Variants in USP2 observed in about 807,000 individuals in gnomAD.
The protein encoded by USP2 is ubiquitin specific peptidase 2, also known as ubiquitin carboxyl-terminal hydrolase 2.
A neutral mutation model predicts 72.0 loss-of-function variants in USP2; 33 were observed. That is an observed-to-expected ratio of 0.46 (90% CI 0.35 to 0.61). USP2 has a LOEUF of 0.61. USP2 is among the 20% of genes least tolerant of loss of function. The pLI is 0.01. For synonymous variants in USP2, 296 were observed against 312.5 expected, an observed-to-expected ratio of 0.95 and a Z score of 0.56; for missense variants, 691 against 797.8, an observed-to-expected ratio of 0.87 and a Z score of 1.61.
chr11:119,364,280 A>T (rs1294847079), intron 2 of USP2: 2 of 750,368 alleles, frequency 2.7e-6, no homozygotes, highest in Non-Finnish European at 3.3e-6. Flanking sequence ...GCCCCGCCCC[A>T]CCTCGCCTCT....
At chr11:119,363,016 A>G (rs998056841) in intron 2 of USP2, among the ~76,000 whole-genome samples, 6 of 152,184 alleles carry the variant, frequency 3.9e-5, no homozygotes, top group African/African-American at 1.4e-4. Flanking sequence ...CTTCGGTAGG[A>G]GAGGCCGAGG....
At chr11:119,381,420 C>T in intron 1 of USP2, 53 bp downstream of exon 1, 1 of 1,524,838 alleles carries the variant, frequency 6.6e-7, no homozygotes, top group Non-Finnish European at 8.8e-7. Context: ...GAGCTCCAAA[C>T]CGGCACTGAT....
intron 6 of USP2, 90 bp downstream of exon 6, chr11:119,358,933 AT>A: frequency 3.8e-6 from 6 of 1,590,690 alleles, no homozygotes; most frequent in Non-Finnish European, 5.2e-6. Flanking sequence ...AGTAAATCAG[AT>A]TATTCCCAAA....
rs1243294839 is a variant in USP2, at chr11:119,381,608, T to A, written c.-177A>T. On this transcript the variant is annotated 5_prime_UTR_variant, in exon 1 of 13. Coordinates refer to ENST00000260187, the MANE Select transcript of USP2 (RefSeq NM_004205.5). Reference sequence around the variant, plus strand: ...TCCCCGGCCTCGGCTCCTGCCTGACTCTCTCCCACCTCCGCCGGGGGCCCA... The same window carrying A: ...TCCCCGGCCTCGGCTCCTGCCTGACACTCTCCCACCTCCGCCGGGGGCCCA... 1 of 1,488,838 alleles carries A rather than the reference T, an allele frequency of 6.7e-7. No homozygotes were observed. The highest frequency in any genetic ancestry group is 9.0e-7 in the Non-Finnish European group (1 of 1,105,318). 92.2% of individuals were successfully genotyped at this position (1,488,838 alleles called of 1,614,324 possible).
chr11:119,378,349 C>T (rs1591337950), intron 1 of USP2, among the ~76,000 whole-genome samples: 2 of 152,042 alleles, frequency 1.3e-5, no homozygotes, highest in Admixed American at 1.3e-4. Flanking sequence ...CATATTTATG[C>T]TCAAACAGTC....
chr11:119,376,405 G>A (rs1951002244), intron 1 of USP2: 2 of 985,662 alleles, frequency 2.0e-6, no homozygotes, highest in Non-Finnish European at 2.4e-6. Context: ...TGGGAGGCAA[G>A]CCAATTGGCT....
At chr11:119,372,563 G>A (rs1033794978) in intron 2 of USP2, 144 bp downstream of exon 2, 2 of 885,686 alleles carry the variant, frequency 2.3e-6, no homozygotes, top group Admixed American at 3.4e-5. Context: ...GGCACCAGAT[G>A]TGCCAGGATG....
At chr11:119,380,075 C>T (rs1286650625) in intron 1 of USP2, among the ~76,000 whole-genome samples, 2 of 151,884 alleles carry the variant, frequency 1.3e-5, no homozygotes, top group Non-Finnish European at 1.5e-5. Context: ...CCAGCACGCC[C>T]GGCTAATTTT....
intron 1 of USP2, chr11:119,376,337 G>C (rs1951001201): frequency 5.1e-6 from 5 of 985,604 alleles, no homozygotes; most frequent in Non-Finnish European, 6.0e-6. Context: ...TCACGTGGCT[G>C]CGAGTCTCCC....
rs778775200 is a variant in USP2, at chr11:119,357,770, C to A, written c.1488G>T (p.Lys496Asn). 3.1e-6 allele frequency: 5 copies of A among 1,613,974 alleles called. No individual in the cohort carries two copies. Among genetic ancestry groups the A allele is most frequent in the Non-Finnish European group, 4.2e-6 (5 of 1,180,054 alleles). The part of the protein sequence containing the change: ...IKKFSIQRFP[K>N]ILVLHLKRFS... Reference sequence around the variant, plus strand: ...TCTTAAGGATACGGAGCACCAAGATCTTTGGGAACCTCTGGATGGAGAACT... The same window carrying A: ...TCTTAAGGATACGGAGCACCAAGATATTTGGGAACCTCTGGATGGAGAACT... Residue 496 changes from lysine to asparagine, a missense_variant, in exon 10 of 13, where the codon AAG becomes AAT. Physicochemically the swap from Lys to Asn is moderately conservative, Grantham distance 94 (BLOSUM62 0). Transcript: ENST00000260187.
At chr11:119,377,475 T>G (rs898767331) in intron 1 of USP2, among the ~76,000 whole-genome samples, 1 of 152,016 alleles carries the variant, frequency 6.6e-6, no homozygotes, top group African/African-American at 2.4e-5. Flanking sequence ...CCACTGCAGG[T>G]GAATGAAAGT....
Position 119,364,210 on chromosome 11 carries a change from G to A in USP2, c.775-3976C>T, listed in dbSNP as rs1950817143. The A allele has an allele frequency of 7.0e-6, 8 of 1,137,490 alleles. 1 individual carries two copies. The South Asian group carries it at 1.8e-4, about 25-fold the overall frequency. 70.5% of individuals were successfully genotyped at this position (1,137,490 alleles called of 1,614,324 possible). On this transcript the variant is annotated intron_variant, in intron 2 of 12. Coordinates refer to ENST00000260187, the MANE Select transcript of USP2 (RefSeq NM_004205.5). ...CCGGCTCTCGCGCTCCGGCCGACTG[G>A]CGGCCCCGCCGGCGCCTCGGGCCCC...
chr11:119,379,068 G>A lies in USP2; in HGVS notation c.-42+2405C>T. The stretch of plus-strand genomic sequence containing the variant: ...CTCCTTCCCCAGCAGGGCAGGGAAT[G>A]CAGTGGAAAGCCCAGAAGCTGGAGC... On this transcript the variant is annotated intron_variant, in intron 1 of 12. Coordinates refer to ENST00000260187, the MANE Select transcript of USP2 (RefSeq NM_004205.5). 7 of 985,606 alleles carry A rather than the reference G, an allele frequency of 7.1e-6. No individual in the cohort carries two copies. In the South Asian group the frequency reaches 3.3e-4, roughly 46 times the overall value. The allele number at this position is 985,606 out of a possible 1,614,324, so 61.1% of individuals were successfully genotyped here. A position where few individuals can be genotyped will look rare whatever the true frequency, so the allele number is the denominator to read the frequency against.
At chr11:119,377,796 C>T (rs1394352118) in intron 1 of USP2, among the ~76,000 whole-genome samples, 1 of 152,146 alleles carries the variant, frequency 6.6e-6, no homozygotes, top group Non-Finnish European at 1.5e-5. Context: ...TGAAGGGCTC[C>T]CTAACCTGCC....
At chr11:119,369,910 G>A (rs1251544743) in intron 2 of USP2, among the ~76,000 whole-genome samples, 1 of 152,124 alleles carries the variant, frequency 6.6e-6, no homozygotes, top group Non-Finnish European at 1.5e-5. Flanking sequence ...CAGGCGTGGT[G>A]GCTCACACCT....
At chr11:119,365,184 T>C (rs925470279) in intron 2 of USP2, among the ~76,000 whole-genome samples, 2 of 152,162 alleles carry the variant, frequency 1.3e-5, no homozygotes, top group African/African-American at 4.8e-5. Context: ...GAGGCAGCAG[T>C]GTATGCTGTT....
intron 2 of USP2, among the ~76,000 whole-genome samples, chr11:119,361,612 G>C (rs542929732): frequency 2.2e-4 from 33 of 152,088 alleles, no homozygotes; most frequent in African/African-American, 5.5e-4. Context: ...TGTCAGCTGG[G>C]GGGGAGGGGT....
chr11:119,381,633 A>G lies in USP2; in HGVS notation c.-202T>C, dbSNP rs577801311. 8 of 1,353,106 alleles carry G rather than the reference A, an allele frequency of 5.9e-6. No individual in the cohort carries two copies. In the East Asian group the frequency reaches 1.8e-4, roughly 30 times the overall value. The allele number at this position is 1,353,106 out of a possible 1,614,324, so 83.8% of individuals were successfully genotyped here. On this transcript the variant is annotated 5_prime_UTR_variant, in exon 1 of 13. Coordinates refer to ENST00000260187, the MANE Select transcript of USP2 (RefSeq NM_004205.5). Reference sequence around the variant, plus strand: ...TCTCTCCCACCTCCGCCGGGGGCCCAGAAGGGACCTCCCCGGGAAATCGGC... The same window carrying G: ...TCTCTCCCACCTCCGCCGGGGGCCCGGAAGGGACCTCCCCGGGAAATCGGC...
chr11:119,357,918 A>G, intron 9 of USP2, 63 bp downstream of exon 9: 2 of 1,613,420 alleles, frequency 1.2e-6, no homozygotes, highest in South Asian at 2.2e-5. Context: ...ATCTGCTGGT[A>G]TCAGCCTCTT....
Sources: allele counts gnomAD v4.1 joint callset (sites outside exome capture counted in the v4.1 genomes callset), GRCh38; gene constraint gnomAD v4.1.1; transcripts MANE v1.5; gene names NCBI Gene and HGNC (gene_info 2026-07-23, HGNC 2026-07-21).